The following YAE1 variants were observed in gnomAD, a reference collection of about 807,000 sequenced individuals.
YAE1 encodes the protein protein YAE1 homolog.
YAE1 carries 22 observed loss-of-function variants against 23.0 expected under a neutral mutation model. That is an observed-to-expected ratio of 0.96 (90% CI 0.68 to 1.37). YAE1 has a LOEUF of 1.37. YAE1 is among the 40% of genes most tolerant of loss of function. YAE1 has a pLI of 0.00. For synonymous variants in YAE1, 101 were observed against 97.0 expected (o/e 1.04, Z -0.24); for missense variants, 260 against 262.1 (o/e 0.99, Z 0.06).
chr7:39,585,746 C>G (rs1368130228), intron 2 of YAE1, among the ~76,000 whole-genome samples: 1 of 152,234 alleles, frequency 6.6e-6, no homozygotes, highest in South Asian at 2.1e-4. Flanking sequence ...CATTGGTGAA[C>G]AAAAAGTTCC....
intron 2 of YAE1, among the ~76,000 whole-genome samples, chr7:39,591,468 T>C (rs1034581426): frequency 6.6e-6 from 1 of 152,216 alleles, no homozygotes; most frequent in African/African-American, 2.4e-5. Context: ...TTTATTTCCC[T>C]TTTATTCTTT....
chr7:39,610,021 G>C, exon 3 of YAE1: 1 of 1,499,118 alleles, frequency 6.7e-7, no homozygotes, highest in Non-Finnish European at 8.9e-7. Context: ...CTTGTGCTTA[G>C]GAAAGCCAGC....
In YAE1 at chr7:39,603,526, T is replaced by C. The variant is rs981727445; in HGVS notation, c.252-6091T>C. On this transcript the variant is annotated intron_variant, in intron 2 of 2. Transcript: ENST00000432096. ...AATTAGAAAATTAAGCTGTGGGAAT[T>C]GTGATGAAGTGCTTTTTCCTGAAGA... Among the ~76,000 whole-genome samples the C allele has an allele frequency of 1.8e-4, 27 of 152,228 alleles. 1 individual carries two copies. In the South Asian group the frequency reaches 4.8e-3, roughly 27 times the overall value.
rs1389037265 is a variant in YAE1, at chr7:39,601,754, G to A, written c.252-7863G>A. Among the ~76,000 whole-genome samples, 42 of 70,836 alleles carry A rather than the reference G, an allele frequency of 5.9e-4. 3 individuals carry two copies. The highest frequency in any genetic ancestry group is 4.1e-3 in the Admixed American group (22 of 5,318). 46.5% of individuals were successfully genotyped at this position (70,836 alleles called of 152,430 possible). A position where few individuals can be genotyped will look rare whatever the true frequency, so the allele number is the denominator to read the frequency against. ...AGCCTGGATGACAGAGCCAGACTCT[G>A]TCTCAAAAAAAAAAAAAAAAAACTA... On this transcript the variant is annotated intron_variant, in intron 2 of 2. Transcript: ENST00000432096.
intron 2 of YAE1, among the ~76,000 whole-genome samples, chr7:39,593,773 C>T (rs907866691): frequency 2.0e-5 from 3 of 152,124 alleles, no homozygotes; most frequent in African/African-American, 4.8e-5. Context: ...TATTTCTTTA[C>T]GGTTTGTTTC....
rs370525602 is a variant in YAE1 at position 39,572,507 on chromosome 7, G to C, written c.482G>C (p.Cys161Ser). 25 of 1,613,986 alleles carry C rather than the reference G, an allele frequency of 1.5e-5. No homozygotes were observed. The highest frequency in any genetic ancestry group is 1.1e-4 in the African/African-American group (8 of 74,938). ...KIDEAKDERL[C>S]ENNAEFNKNC... The stretch of plus-strand genomic sequence containing the variant: ...GATGAAGCTAAAGATGAAAGACTCT[G>C]TGAAAATAATGCTGAGTTTAACAAA... The change falls in exon 3 of 3, where the codon TGT becomes TCT. Residue 161 changes from cysteine (C) to serine (S), a missense_variant. Cys to Ser is a moderately radical substitution (Grantham distance 112). Coordinates refer to ENST00000223273, the MANE Select transcript of YAE1 (RefSeq NM_020192.5).
intron 2 of YAE1, among the ~76,000 whole-genome samples, chr7:39,584,667 A>G (rs1293822430): frequency 6.6e-6 from 1 of 152,118 alleles, no homozygotes. Flanking sequence ...GAGGACTTTT[A>G]TACAGGGATG....
intron 2 of YAE1, among the ~76,000 whole-genome samples, chr7:39,582,841 A>T (rs1049883927): frequency 3.9e-5 from 6 of 152,246 alleles, no homozygotes; most frequent in Non-Finnish European, 8.8e-5. Flanking sequence ...GTAAGTTGCC[A>T]TTGACAGATG....
chr7:39,609,763 C>A, exon 3 of YAE1: 1 of 1,534,698 alleles, frequency 6.5e-7, no homozygotes, highest in Non-Finnish European at 8.7e-7. Flanking sequence ...CTCGAGGCGA[C>A]GCTGCTGAGC....
At chr7:39,578,167 T>C (rs555941770) in intron 2 of YAE1, among the ~76,000 whole-genome samples, 9 of 148,042 alleles carry the variant, frequency 6.1e-5, no homozygotes, top group African/African-American at 2.3e-4. Context: ...CAATCAGCAC[T>C]CTGTGTCTAG....
At chr7:39,577,737 C>G (rs1380513288), downstream of YAE1, among the ~76,000 whole-genome samples, 2 of 152,252 alleles carry the variant, frequency 1.3e-5, no homozygotes, top group Non-Finnish European at 2.9e-5. Flanking sequence ...CCACCCCCTG[C>G]TCTGCTGCGC....
chr7:39,607,812 G>A (rs926419639), intron 2 of YAE1, among the ~76,000 whole-genome samples: 1 of 152,172 alleles, frequency 6.6e-6, no homozygotes, highest in African/African-American at 2.4e-5. Context: ...GGGACTACAG[G>A]CGTGTGCCAC....
At chr7:39,574,276 ATC>A, downstream of YAE1, among the ~76,000 whole-genome samples, 1 of 152,370 alleles carries the variant, frequency 6.6e-6, no homozygotes, top group East Asian at 1.9e-4. Context: ...GATTGAAAAC[ATC>A]TCTCGAACTT....
At position 39,578,651 on chromosome 7, in the gene YAE1, A is replaced by G; in HGVS notation, c.251+8024A>G. Reference sequence around the variant, plus strand: ...TGTAGCTTCACTCCTGAAGCCAGTGAGACCATGAACCCGCCAGAAGAAAGA... The same window carrying G: ...TGTAGCTTCACTCCTGAAGCCAGTGGGACCATGAACCCGCCAGAAGAAAGA... On this transcript the variant is annotated intron_variant, in intron 2 of 2. Coordinates refer to the YAE1 transcript ENST00000432096. Among the ~76,000 whole-genome samples, 2 of 152,192 alleles carry G rather than the reference A, an allele frequency of 1.3e-5. 1 individual carries two copies. Among genetic ancestry groups the G allele is most frequent in the Non-Finnish European group, 2.9e-5 (2 of 68,032 alleles).
chr7:39,569,517 G>A, intron 1 of YAE1: 1 of 495,794 alleles, frequency 2.0e-6, no homozygotes, highest in Non-Finnish European at 3.9e-6. Context: ...TTTTTTCAAA[G>A]GTTGAGCAGA....
intron 2 of YAE1, among the ~76,000 whole-genome samples, chr7:39,604,632 G>T (rs941465453): frequency 6.6e-6 from 1 of 152,098 alleles, no homozygotes; most frequent in African/African-American, 2.4e-5. Flanking sequence ...TAATATTAAG[G>T]CTACTTTGAT....
chr7:39,572,457 T>C lies in YAE1; in HGVS notation c.432T>C (p.His144=). ...LDSIEDMDLC[H]VVPAEKKIDE... ...CCATTGAGGATATGGACCTTTGTCA[T>C]GTAGTTCCAGCTGAGAAAAAGATTG... The change falls in exon 3 of 3, where the codon CAT becomes CAC. Residue 144 remains histidine, a synonymous_variant. Coordinates refer to ENST00000223273, the MANE Select transcript of YAE1 (RefSeq NM_020192.5). The C allele has an allele frequency of 1.2e-6, 2 of 1,614,180 alleles. No homozygotes were observed. The highest frequency in any genetic ancestry group is 1.1e-5 in the South Asian group (1 of 91,082).
chr7:39,577,318 C>T (rs1790669367), downstream of YAE1, among the ~76,000 whole-genome samples: 1 of 152,276 alleles, frequency 6.6e-6, no homozygotes, highest in Non-Finnish European at 1.5e-5. Flanking sequence ...TAGGTGCCTC[C>T]TTGGCCTCAG....
chr7:39,571,942 G>T (rs541454611), intron 2 of YAE1, among the ~76,000 whole-genome samples: 2 of 152,146 alleles, frequency 1.3e-5, no homozygotes, highest in Non-Finnish European at 2.9e-5. Flanking sequence ...TTTAATTGGT[G>T]TGGAGTATAA....
Sources: gnomAD v4.1 joint callset for allele counts (sites outside exome capture counted in the v4.1 genomes callset) on GRCh38, gnomAD v4.1.1 for gene constraint, MANE v1.5 for transcripts, NCBI Gene and HGNC (gene_info 2026-07-23, HGNC 2026-07-21) for gene names.